ARHGAP26: variants seen among roughly 807,000 people sequenced by gnomAD.
ARHGAP26 encodes the protein rho GTPase-activating protein 26.
Under a neutral mutation model 104.8 loss-of-function variants are expected in ARHGAP26, and 38 were observed. The ratio of observed to expected loss-of-function variants is 0.36; its 90% CI spans 0.28 to 0.48. ARHGAP26 has a LOEUF of 0.48. Among genes scored for constraint, ARHGAP26 ranks in the 20% least tolerant of loss-of-function variants. ARHGAP26 has a pLI of 0.99. For missense variants in ARHGAP26, 704 were observed against 947.9 expected (o/e 0.74, Z 3.38); for synonymous variants, 341 against 340.0 (o/e 1.00, Z -0.03).
At chr5:142,927,449 C>T (rs1214530295) in intron 10 of ARHGAP26, among the ~76,000 whole-genome samples, 5 of 152,084 alleles carry the variant, frequency 3.3e-5, no homozygotes, top group African/African-American at 4.8e-5. Flanking sequence ...TGGTCTCTTT[C>T]CCTCATCATT....
chr5:143,227,299 C>T lies in ARHGAP26; in HGVS notation c.*4853C>T, dbSNP rs948808477. ...GCTACCTGACTTTAAAAGGAATGACCTAGGTGTTCTGCCAAAGGAGTTATC... is the reference window on the plus strand; with the variant it reads ...GCTACCTGACTTTAAAAGGAATGACTTAGGTGTTCTGCCAAAGGAGTTATC... On this transcript the variant is annotated 3_prime_UTR_variant, in exon 23 of 23. Coordinates refer to ENST00000645722, the MANE Select transcript of ARHGAP26 (RefSeq NM_001135608.3). 4.3e-6 allele frequency: 1 copy of T among 230,406 alleles called. No homozygotes were observed. The highest frequency in any genetic ancestry group is 8.6e-6 in the Non-Finnish European group (1 of 116,380). The allele number at this position is 230,406 out of a possible 1,614,324, so 14.3% of individuals were successfully genotyped here.
intron 11 of ARHGAP26, among the ~76,000 whole-genome samples, chr5:143,011,631 G>A (rs1014929500): frequency 2.6e-5 from 4 of 152,150 alleles, no homozygotes; most frequent in Non-Finnish European, 5.9e-5. Flanking sequence ...AAAGCCAAGG[G>A]AGGGGTCATT....
At chr5:142,772,276 T>C (rs1259189090) in intron 1 of ARHGAP26, among the ~76,000 whole-genome samples, 1 of 152,234 alleles carries the variant, frequency 6.6e-6, no homozygotes, top group Non-Finnish European at 1.5e-5. Flanking sequence ...GTGATGAGGC[T>C]TCTTAGAGGC....
chr5:142,868,480 G>A (rs1478858575), intron 1 of ARHGAP26, among the ~76,000 whole-genome samples: 1 of 152,246 alleles, frequency 6.6e-6, no homozygotes, highest in East Asian at 1.9e-4. Context: ...CCAGAGAGGA[G>A]CAGTTGCAGT....
intron 20 of ARHGAP26, among the ~76,000 whole-genome samples, chr5:143,149,216 C>G (rs770721813): frequency 6.6e-5 from 10 of 152,062 alleles, no homozygotes; most frequent in Non-Finnish European, 1.0e-4. Flanking sequence ...AGGGTGATAA[C>G]AGGAACGGTT....
intron 6 of ARHGAP26, among the ~76,000 whole-genome samples, chr5:142,898,739 C>G (rs1271798847): frequency 6.6e-6 from 1 of 152,180 alleles, no homozygotes; most frequent in Non-Finnish European, 1.5e-5. Flanking sequence ...CACTGTTATC[C>G]TCTTGTCAAA....
chr5:142,824,355 C>T (rs1220056087), intron 1 of ARHGAP26, among the ~76,000 whole-genome samples: 1 of 152,130 alleles, frequency 6.6e-6, no homozygotes, highest in Non-Finnish European at 1.5e-5. Context: ...TGAGGGTCGT[C>T]CCTATCAAAC....
intron 1 of ARHGAP26, among the ~76,000 whole-genome samples, chr5:142,857,084 T>G (rs905884920): frequency 6.6e-6 from 1 of 152,160 alleles, no homozygotes; most frequent in African/African-American, 2.4e-5. Context: ...AGTTTCTCCC[T>G]CCATCTTCAC....
At chr5:142,981,447 C>T (rs1013131936) in intron 11 of ARHGAP26, among the ~76,000 whole-genome samples, 1 of 152,142 alleles carries the variant, frequency 6.6e-6, no homozygotes, top group African/African-American at 2.4e-5. Flanking sequence ...CTTTCTTGAG[C>T]CATGCAGGCA....
At chr5:142,790,379 T>C (rs1042997478) in intron 1 of ARHGAP26, among the ~76,000 whole-genome samples, 13 of 152,188 alleles carry the variant, frequency 8.5e-5, no homozygotes, top group African/African-American at 2.9e-4. Flanking sequence ...TTTTTTCCCA[T>C]CGTATTTCTC....
intron 1 of ARHGAP26, among the ~76,000 whole-genome samples, chr5:142,852,847 G>A (rs546206491): frequency 2.0e-5 from 3 of 152,296 alleles, no homozygotes; most frequent in South Asian, 2.1e-4. Context: ...CTTGTGTGTC[G>A]CTCTGCCTGC....
chr5:142,827,989 C>T (rs1767628520), intron 1 of ARHGAP26, among the ~76,000 whole-genome samples: 1 of 152,162 alleles, frequency 6.6e-6, no homozygotes, highest in Non-Finnish European at 1.5e-5. Flanking sequence ...CTTGGCTTTT[C>T]TTGGTCTTCC....
chr5:142,972,248 G>A (rs972517120), intron 11 of ARHGAP26, among the ~76,000 whole-genome samples: 3 of 152,064 alleles, frequency 2.0e-5, no homozygotes, highest in East Asian at 3.8e-4. Context: ...AGCAGTGAGG[G>A]GTGACTGCTA....
intron 19 of ARHGAP26, among the ~76,000 whole-genome samples, chr5:143,143,618 C>T: frequency 6.6e-6 from 1 of 152,156 alleles, no homozygotes; most frequent in East Asian, 1.9e-4. Flanking sequence ...CAAAACTACC[C>T]CTTTCTGTTC....
Position 142,901,915 on chromosome 5 carries a change from C to T in ARHGAP26, c.598-20C>T. The T allele has an allele frequency of 1.9e-6, 3 of 1,607,488 alleles. No homozygotes were observed. The highest frequency in any genetic ancestry group is 2.6e-6 in the Non-Finnish European group (3 of 1,174,296). Reference sequence around the variant, plus strand: ...TTTCAACCTGGTTATGTGACCTTTGCCTTTCTTCCTTCATTACAGCTGCTG... The same window carrying T: ...TTTCAACCTGGTTATGTGACCTTTGTCTTTCTTCCTTCATTACAGCTGCTG... On this transcript the variant is annotated intron_variant, in intron 6 of 22. Coordinates refer to ENST00000645722, the MANE Select transcript of ARHGAP26 (RefSeq NM_001135608.3).
In ARHGAP26 at chr5:143,218,760, G is replaced by A. The variant is rs926909458; in HGVS notation, c.2192-3598G>A. Among the ~76,000 whole-genome samples the A allele has an allele frequency of 2.6e-5, 4 of 152,352 alleles. No individual in the cohort carries two copies. The South Asian group carries it at 6.2e-4, about 24-fold the overall frequency. On this transcript the variant is annotated intron_variant, in intron 22 of 22. Coordinates refer to ENST00000645722, the MANE Select transcript of ARHGAP26 (RefSeq NM_001135608.3). ...TTGGACACTGGTGCAGTTCAGTGTT[G>A]CACATTGGCGCCATTCAGCCCAACA...
intron 19 of ARHGAP26, among the ~76,000 whole-genome samples, chr5:143,141,207 G>A (rs1798485994): frequency 6.6e-6 from 1 of 152,240 alleles, no homozygotes; most frequent in Non-Finnish European, 1.5e-5. Flanking sequence ...AAAAAATGAT[G>A]CTGTGGAAAG....
intron 20 of ARHGAP26, among the ~76,000 whole-genome samples, chr5:143,184,116 A>C (rs914087114): frequency 2.6e-5 from 4 of 152,188 alleles, no homozygotes; most frequent in Non-Finnish European, 5.9e-5. Flanking sequence ...CAGTCTGAAT[A>C]TTACATTATC....
chr5:143,179,656 GTTTCTTGGGCCT>G (rs953300170), intron 20 of ARHGAP26, among the ~76,000 whole-genome samples: 2 of 152,212 alleles, frequency 1.3e-5, no homozygotes, highest in African/African-American at 4.8e-5. Context: ...TCTCCAGAGG[GTTTCTTGGGCCT>G]TTTCTTGTCT....
Sources: allele counts gnomAD v4.1 joint callset (sites outside exome capture counted in the v4.1 genomes callset), GRCh38; gene constraint gnomAD v4.1.1; transcripts MANE v1.5; gene names NCBI Gene and HGNC (gene_info 2026-07-23, HGNC 2026-07-21).